The following TRIM2 variants were observed in gnomAD, a reference collection of about 807,000 sequenced individuals.
TRIM2 encodes tripartite motif-containing protein 2.
TRIM2 carries 20 observed loss-of-function variants against 75.2 expected under a neutral mutation model. The ratio of observed to expected loss-of-function variants is 0.27; its 90% CI spans 0.19 to 0.39. The LOEUF is 0.39. TRIM2 is among the 10% of genes least tolerant of loss of function. TRIM2 has a pLI of 1.00. For synonymous variants in TRIM2, 373 were observed against 388.3 expected (o/e 0.96, Z 0.46); for missense variants, 660 against 990.8 (o/e 0.67, Z 4.48).
intron 1 of TRIM2, among the ~76,000 whole-genome samples, chr4:153,255,407 T>A (rs995217577): frequency 6.6e-6 from 1 of 152,144 alleles, no homozygotes; most frequent in African/African-American, 2.4e-5. Flanking sequence ...ATGAGAGAGA[T>A]CAGGACAAAG....
At chr4:153,249,665 T>A (rs1750343506) in intron 1 of TRIM2, among the ~76,000 whole-genome samples, 1 of 152,078 alleles carries the variant, frequency 6.6e-6, no homozygotes, top group Non-Finnish European at 1.5e-5. Context: ...CTCCACCAGC[T>A]CAGTCGCCCA....
At chr4:153,199,647 G>T (rs933144821), upstream of TRIM2, among the ~76,000 whole-genome samples, 1 of 152,016 alleles carries the variant, frequency 6.6e-6, no homozygotes, top group Non-Finnish European at 1.5e-5. Flanking sequence ...CCATAGAAAG[G>T]GTGCAAGCAG....
intron 1 of TRIM2, among the ~76,000 whole-genome samples, chr4:153,266,063 C>A (rs974832760): frequency 6.6e-6 from 1 of 152,172 alleles, no homozygotes; most frequent in Non-Finnish European, 1.5e-5. Context: ...ATAATGGTGG[C>A]TGATCAGACG....
chr4:153,249,051 T>TC (rs1166679299), intron 1 of TRIM2, among the ~76,000 whole-genome samples: 2 of 152,230 alleles, frequency 1.3e-5, no homozygotes, highest in Non-Finnish European at 1.5e-5. Flanking sequence ...GCGGGGGCGA[T>TC]CCCCAGGGCT....
intron 1 of TRIM2, among the ~76,000 whole-genome samples, chr4:153,154,059 A>G (rs770949181): frequency 4.6e-5 from 7 of 152,184 alleles, no homozygotes; most frequent in Non-Finnish European, 1.0e-4. Context: ...CAAGGTTTTA[A>G]TTTTACAGAG....
chr4:153,173,821 G>A (rs1012248393), intron 1 of TRIM2, among the ~76,000 whole-genome samples: 13 of 151,630 alleles, frequency 8.6e-5, no homozygotes, highest in African/African-American at 2.9e-4. Context: ...ACAAAAATCA[G>A]CCGGGTGTGG....
At chr4:153,253,055 G>A (rs181668501) in intron 1 of TRIM2, among the ~76,000 whole-genome samples, 2 of 152,352 alleles carry the variant, frequency 1.3e-5, no homozygotes, top group East Asian at 3.9e-4. Flanking sequence ...CAAGAATGCT[G>A]TGGAGTACAC....
chr4:153,227,312 A>C (rs1742399946), intron 1 of TRIM2, among the ~76,000 whole-genome samples: 1 of 152,210 alleles, frequency 6.6e-6, no homozygotes, highest in African/African-American at 2.4e-5. Flanking sequence ...CTCCTCAGCT[A>C]CCAGACAATT....
At chr4:153,182,478 G>T (rs371041529) in intron 1 of TRIM2, among the ~76,000 whole-genome samples, 14 of 152,126 alleles carry the variant, frequency 9.2e-5, no homozygotes, top group African/African-American at 2.7e-4. Flanking sequence ...CATGTTGCCC[G>T]TGACTCGGTT....
intron 1 of TRIM2, among the ~76,000 whole-genome samples, chr4:153,245,151 C>T (rs1748780973): frequency 6.6e-6 from 1 of 152,264 alleles, no homozygotes; most frequent in Non-Finnish European, 1.5e-5. Flanking sequence ...ACCTACAAAA[C>T]ACAGGGTGAT....
At chr4:153,173,921 T>C (rs7696186) in intron 1 of TRIM2, among the ~76,000 whole-genome samples, 71,956 of 151,672 alleles carry the variant, frequency 0.47, 17,275 homozygotes, top group African/African-American at 0.53. Context: ...GCCAAGATCG[T>C]GCCACTGCAG....
chr4:153,190,694 T>C (rs1341428037), intron 1 of TRIM2, among the ~76,000 whole-genome samples: 1 of 152,176 alleles, frequency 6.6e-6, no homozygotes, highest in Non-Finnish European at 1.5e-5. Flanking sequence ...ATTTGGACAT[T>C]AGGGACAGCT....
intron 1 of TRIM2, among the ~76,000 whole-genome samples, chr4:153,194,961 C>A (rs1009743004): frequency 9.2e-5 from 14 of 152,150 alleles, no homozygotes; most frequent in African/African-American, 2.7e-4. Flanking sequence ...GAATTCTGGT[C>A]CCCAGAAGAT....
In TRIM2 at chr4:153,276,041, G is replaced by C; in HGVS notation, c.364G>C (p.Gly122Arg). 6.2e-7 allele frequency: 1 copy of C among 1,614,206 alleles called. No individual in the cohort carries two copies. Among genetic ancestry groups the C allele is most frequent in the Non-Finnish European group, 8.5e-7 (1 of 1,180,048 alleles). Residue 122 changes from glycine to arginine, a missense_variant, in exon 3 of 12, where the codon GGC becomes CGC. Gly to Arg is a moderately radical substitution (Grantham distance 125). This residue lies in a region of TRIM2 where 620 missense variants were observed against 891.0 expected (regional missense o/e 0.70). Coordinates refer to ENST00000338700, the MANE Select transcript of TRIM2 (RefSeq NM_015271.5). Reference protein sequence around the residue: ...NLMDVLQRTPGSNAEESSILE... With the variant: ...NLMDVLQRTPRSNAEESSILE... ...GATGGACGTGCTGCAGCGAACTCCA[G>C]GCAGCAACGCTGAGGAGTCTTCCAT...
chr4:153,234,656 C>T (rs1744537507), intron 1 of TRIM2, among the ~76,000 whole-genome samples: 2 of 152,178 alleles, frequency 1.3e-5, no homozygotes, highest in Admixed American at 1.3e-4. Context: ...AAGTTACCTA[C>T]TCTGTATGGC....
intron 3 of TRIM2, among the ~76,000 whole-genome samples, chr4:153,279,942 CA>C (rs3048123): frequency 0.12 from 12,755 of 104,002 alleles, 527 homozygotes; most frequent in Middle Eastern, 0.2. Context: ...GACTCTGTCT[CA>C]AAAAAAAAAA....
At chr4:153,182,742 A>G (rs1395062256) in intron 1 of TRIM2, among the ~76,000 whole-genome samples, 1 of 152,216 alleles carries the variant, frequency 6.6e-6, no homozygotes, top group African/African-American at 2.4e-5. Context: ...TAAATTATTT[A>G]AAATGTTACT....
intron 11 of TRIM2, among the ~76,000 whole-genome samples, chr4:153,329,812 G>T (rs1160424162): frequency 6.6e-6 from 1 of 151,376 alleles, no homozygotes; most frequent in Non-Finnish European, 1.5e-5. Flanking sequence ...ACTCCAGCCT[G>T]GGCAACAGAA....
intron 1 of TRIM2, among the ~76,000 whole-genome samples, chr4:153,154,108 C>A (rs374728151): frequency 2.0e-5 from 3 of 152,224 alleles, no homozygotes; most frequent in African/African-American, 7.2e-5. Context: ...GTCGTTTACA[C>A]ATTTCTTAAA....
Sources: allele counts gnomAD v4.1 joint callset (sites outside exome capture counted in the v4.1 genomes callset), GRCh38; gene constraint gnomAD v4.1.1; regional missense constraint gnomAD v4.1.1; transcripts MANE v1.5; gene names NCBI Gene and HGNC (gene_info 2026-07-23, HGNC 2026-07-21).